The following BUB1 variants were observed in gnomAD, a reference collection of about 807,000 sequenced individuals.
The protein encoded by BUB1 is mitotic checkpoint serine/threonine-protein kinase BUB1.
Under a neutral mutation model 135.2 loss-of-function variants are expected in BUB1, and 84 were observed. The observed-to-expected ratio is 0.62, with a 90% CI of 0.52 to 0.74. The LOEUF (loss-of-function observed/expected upper bound fraction) is 0.74. Among genes scored for constraint, BUB1 ranks in the 30% least tolerant of loss-of-function variants. The pLI is 0.00. For missense variants in BUB1, 1,162 were observed against 1,288.3 expected (o/e 0.90, Z 1.50); for synonymous variants, 403 against 434.4 (o/e 0.93, Z 0.90).
Position 110,655,717 on chromosome 2 carries a change from A to G in BUB1, c.1876+22T>C, listed in dbSNP as rs777780989. ...GAATCAAAGTTGGCAGAAGACAGAC[A>G]CTAAAACAGTGTAACACACACCTTT... is the stretch of plus-strand genomic sequence containing the variant. On this transcript the variant is annotated intron_variant, in intron 16 of 24. Transcript: ENST00000302759. The G allele has an allele frequency of 9.2e-5, 144 of 1,566,776 alleles. No individual in the cohort carries two copies. In the Middle Eastern group the frequency reaches 1.7e-3, roughly 19 times the overall value.
chr2:110,672,371 T>A (rs1377825435), intron 4 of BUB1, among the ~76,000 whole-genome samples: 1 of 152,246 alleles, frequency 6.6e-6, no homozygotes, highest in Non-Finnish European at 1.5e-5. Flanking sequence ...TCATAATTTC[T>A]TAAGTATTTC....
In BUB1 at chr2:110,658,890, T is replaced by A. The variant is rs917962434; in HGVS notation, c.1277-148A>T. On this transcript the variant is annotated intron_variant, in intron 11 of 24. Coordinates refer to ENST00000302759, the MANE Select transcript of BUB1 (RefSeq NM_004336.5). ...TTTCCAGTATTATAGTGCTTTCATATATTTCATTTTTATCTTTATAATAGT... is the reference window on the plus strand; with the variant it reads ...TTTCCAGTATTATAGTGCTTTCATAAATTTCATTTTTATCTTTATAATAGT... The A allele has an allele frequency of 5.0e-6, 5 of 1,000,128 alleles. No homozygotes were observed. The Admixed American group carries it at 8.3e-5, about 17-fold the overall frequency. 62.0% of individuals were successfully genotyped at this position (1,000,128 alleles called of 1,614,324 possible).
chr2:110,669,677 ACT>A, intron 5 of BUB1, 124 bp from the exon 6 acceptor site: 2 of 599,126 alleles, frequency 3.3e-6, no homozygotes, highest in Non-Finnish European at 5.8e-6. Context: ...ACTCATTCAC[ACT>A]GTCTCAGAAA....
At chr2:110,664,981 C>T (rs568806641) in intron 9 of BUB1, among the ~76,000 whole-genome samples, 1 of 152,262 alleles carries the variant, frequency 6.6e-6, no homozygotes, top group South Asian at 2.1e-4. Flanking sequence ...AATGTGAGTG[C>T]ACAGTCCGAA....
intron 19 of BUB1, among the ~76,000 whole-genome samples, chr2:110,644,058 C>CAAAAAAAAAA (rs58393999): frequency 2.3e-3 from 90 of 39,638 alleles, no homozygotes; most frequent in East Asian, 3.1e-3. Context: ...AACTGAAATG[C>CAAAAAAAAAA]AAAAAAAAAA....
At chr2:110,665,808 A>G (rs1288659821) in intron 9 of BUB1, among the ~76,000 whole-genome samples, 1 of 152,224 alleles carries the variant, frequency 6.6e-6, no homozygotes, top group Non-Finnish European at 1.5e-5. Context: ...ACCATTATAC[A>G]GTTTAAATGA....
chr2:110,638,540 G>C (rs1333731081), intron 24 of BUB1, among the ~76,000 whole-genome samples: 1 of 152,176 alleles, frequency 6.6e-6, no homozygotes, highest in Non-Finnish European at 1.5e-5. Flanking sequence ...ATATGCACCA[G>C]GACCAAGTAG....
chr2:110,651,237 G>A (rs1356528917), intron 17 of BUB1, among the ~76,000 whole-genome samples: 1 of 152,052 alleles, frequency 6.6e-6, no homozygotes, highest in African/African-American at 2.4e-5. Context: ...CAATTCAGAG[G>A]ACAGCATATG....
chr2:110,658,271 CTTATTT>C (rs1574325547), intron 13 of BUB1, 133 bp downstream of exon 13: 1 of 650,052 alleles, frequency 1.5e-6, no homozygotes, highest in East Asian at 2.8e-5. Flanking sequence ...CAAGAACTGT[CTTATTT>C]TTATTTCATG....
intron 19 of BUB1, among the ~76,000 whole-genome samples, chr2:110,647,607 T>C (rs1689675925): frequency 6.6e-6 from 1 of 151,938 alleles, no homozygotes; most frequent in South Asian, 2.1e-4. Flanking sequence ...CTTTCTTAAC[T>C]TGACAAAGAA....
At chr2:110,666,560 T>C (rs1690261651) in intron 8 of BUB1, 146 bp from the exon 9 acceptor site, 2 of 548,830 alleles carry the variant, frequency 3.6e-6, no homozygotes, top group Admixed American at 8.7e-5. Flanking sequence ...GTGAAACTTG[T>C]ATTACCTTTT....
chr2:110,656,659 A>T (rs1676737133), intron 15 of BUB1, among the ~76,000 whole-genome samples: 1 of 152,200 alleles, frequency 6.6e-6, no homozygotes, highest in Non-Finnish European at 1.5e-5. Flanking sequence ...AGAATCTCCC[A>T]TGTTTCCCTA....
At chr2:110,645,677 T>A (rs1393965036) in intron 19 of BUB1, among the ~76,000 whole-genome samples, 1 of 151,910 alleles carries the variant, frequency 6.6e-6, no homozygotes, top group Non-Finnish European at 1.5e-5. Flanking sequence ...TCCTCCAGCC[T>A]CAGCCTCCCA....
intron 14 of BUB1, among the ~76,000 whole-genome samples, 172 bp downstream of exon 14, chr2:110,657,374 T>A (rs1292860584): frequency 6.6e-6 from 1 of 152,134 alleles, no homozygotes; most frequent in Non-Finnish European, 1.5e-5. Flanking sequence ...CAAAAATGAA[T>A]TCCTGCAGTA....
intron 8 of BUB1, among the ~76,000 whole-genome samples, chr2:110,666,663 AT>A (rs1486642247): frequency 1.3e-5 from 2 of 152,046 alleles, no homozygotes; most frequent in Non-Finnish European, 2.9e-5. Context: ...AAAAATAATA[AT>A]AATAGCACAG....
At chr2:110,657,464 A>C in intron 14 of BUB1, 82 bp downstream of exon 14, 1 of 1,018,914 alleles carries the variant, frequency 9.8e-7, no homozygotes, top group Non-Finnish European at 1.4e-6. Context: ...TTGGCAGTTC[A>C]CATTCTCTCC....
At chr2:110,669,113 C>G in intron 6 of BUB1, among the ~76,000 whole-genome samples, 1 of 152,118 alleles carries the variant, frequency 6.6e-6, no homozygotes, top group East Asian at 1.9e-4. Flanking sequence ...TCAGAAGCCC[C>G]CAGGTGGATC....
chr2:110,667,428 C>T (rs1690288160), intron 8 of BUB1, 93 bp downstream of exon 8: 2 of 1,258,412 alleles, frequency 1.6e-6, no homozygotes, highest in Non-Finnish European at 2.2e-6. Context: ...AGTCTTTCAA[C>T]ATAGTCAATT....
At chr2:110,674,272 T>C (rs1273043724) in intron 2 of BUB1, 34 bp downstream of exon 2, 1 of 1,613,384 alleles carries the variant, frequency 6.2e-7, no homozygotes, top group Non-Finnish European at 8.5e-7. Context: ...AGTGTATAGT[T>C]TGTTTAAGGG....
Sources: allele counts gnomAD v4.1 joint callset (sites outside exome capture counted in the v4.1 genomes callset), GRCh38; gene constraint gnomAD v4.1.1; transcripts MANE v1.5; gene names NCBI Gene and HGNC (gene_info 2026-07-23, HGNC 2026-07-21).